The following SLC25A30 variants were observed in gnomAD, a reference collection of about 807,000 sequenced individuals.
SLC25A30 encodes solute carrier family 25 member 30.
A neutral mutation model predicts 42.7 loss-of-function variants in SLC25A30; 29 were observed. That is an observed-to-expected ratio of 0.68 (90% CI 0.51 to 0.93). The LOEUF (loss-of-function observed/expected upper bound fraction) is 0.93, where lower values mean the gene tolerates loss of function less well. SLC25A30 is among the 40% of genes least tolerant of loss of function. The pLI, the probability that SLC25A30 is intolerant of heterozygous loss-of-function variation, is 0.00. For synonymous variants in SLC25A30, 124 were observed against 131.0 expected, an observed-to-expected ratio of 0.95 and a Z score of 0.37; for missense variants, 300 against 359.7, an observed-to-expected ratio of 0.83 and a Z score of 1.34.
chr13:45,400,020 A>ATG (rs1881778924), intron 7 of SLC25A30, among the ~76,000 whole-genome samples: 2 of 117,206 alleles, frequency 1.7e-5, no homozygotes, highest in Admixed American at 9.6e-5. Context: ...ATGATTATAT[A>ATG]TATATATATA....
At chr13:45,433,515 C>A in the SLC25A30 span, among the ~76,000 whole-genome samples, 1 of 152,180 alleles carries the variant, frequency 6.6e-6, no homozygotes, top group Non-Finnish European at 1.5e-5. Flanking sequence ...AGTTGTATTA[C>A]CCTGTGAGGG....
At chr13:45,427,210 C>G in the SLC25A30 span, among the ~76,000 whole-genome samples, 1 of 152,142 alleles carries the variant, frequency 6.6e-6, no homozygotes, top group African/African-American at 2.4e-5. Flanking sequence ...GGCCACATCT[C>G]TCTGACTTTC....
chr13:45,424,754 A>C, the SLC25A30 span, among the ~76,000 whole-genome samples: 2 of 61,244 alleles, frequency 3.3e-5, no homozygotes, highest in African/African-American at 6.7e-5. Context: ...ATATCTATTT[A>C]TATAAATATA....
chr13:45,403,221 C>T (rs2137648807), intron 5 of SLC25A30, among the ~76,000 whole-genome samples: 1 of 152,324 alleles, frequency 6.6e-6, no homozygotes, highest in South Asian at 2.1e-4. Flanking sequence ...GTATTTCTTC[C>T]TTACCCACGA....
chr13:45,414,115 A>G (rs377627283), intron 1 of SLC25A30, among the ~76,000 whole-genome samples: 1 of 152,208 alleles, frequency 6.6e-6, no homozygotes, highest in South Asian at 2.1e-4. Flanking sequence ...TCCTATAAGC[A>G]AGTACTTCTA....
the SLC25A30 span, among the ~76,000 whole-genome samples, chr13:45,423,855 T>TATATAAATAC: frequency 5.5e-5 from 4 of 72,302 alleles, no homozygotes; most frequent in Non-Finnish European, 2.5e-5. Context: ...TGTAAATATA[T>TATATAAATAC]ATATAAATAT....
chr13:45,401,174 CA>C lies in SLC25A30; in HGVS notation c.522del (p.Ile174MetfsTer22). On this transcript the variant is annotated frameshift_variant, in exon 7 of 10. Coordinates refer to ENST00000519676, the MANE Select transcript of SLC25A30 (RefSeq NM_001010875.4). LOFTEE classifies it high-confidence loss of function. ...GVSLTAQRAA[I>X]VVGVELPVYD... ...TAGACCGGCAGCTCCACACCAACAA[CA>C]ATAGCAGCCCTCTGCGCAGTAAGGG... 1 of 1,614,078 alleles carries C rather than the reference CA, an allele frequency of 6.2e-7. No homozygotes were observed. The highest frequency in any genetic ancestry group is 8.5e-7 in the Non-Finnish European group (1 of 1,180,000).
At position 45,394,184 on chromosome 13, in the gene SLC25A30, A is replaced by G; in HGVS notation, c.*1790T>C. ...CCTCTGCTGCCCTCTAGGGTTGCCCAGGGAGAGCTGGACTTTCATCTGAGT... is the reference window on the plus strand; with the variant it reads ...CCTCTGCTGCCCTCTAGGGTTGCCCGGGGAGAGCTGGACTTTCATCTGAGT... On this transcript the variant is annotated 3_prime_UTR_variant, in exon 10 of 10. Transcript: ENST00000519676. 2.0e-6 allele frequency: 2 copies of G among 985,374 alleles called. No individual in the cohort carries two copies. The highest frequency in any genetic ancestry group is 2.4e-6 in the Non-Finnish European group (2 of 829,924). The allele number at this position is 985,374 out of a possible 1,614,324, so 61.0% of individuals were successfully genotyped here.
chr13:45,423,594 T>TATATATAAATATATATAAA, the SLC25A30 span, among the ~76,000 whole-genome samples: 9 of 92,124 alleles, frequency 9.8e-5, no homozygotes, highest in Non-Finnish European at 1.4e-4. Context: ...TATATAAATA[T>TATATATAAATATATATAAA]ATATATATAT....
the SLC25A30 span, among the ~76,000 whole-genome samples, chr13:45,432,027 T>G: frequency 6.6e-6 from 1 of 152,052 alleles, no homozygotes; most frequent in Non-Finnish European, 1.5e-5. Flanking sequence ...CCTGGCACTT[T>G]GGAAGGCCAA....
chr13:45,424,628 A>AAC, the SLC25A30 span, among the ~76,000 whole-genome samples: 3,936 of 50,868 alleles, frequency 0.077, 735 homozygotes, highest in Non-Finnish European at 0.095. Flanking sequence ...AATATATATA[A>AAC]ATATGTATAT....
chr13:45,425,617 AATAT>A, the SLC25A30 span, among the ~76,000 whole-genome samples: 1 of 48,488 alleles, frequency 2.1e-5, no homozygotes, highest in Non-Finnish European at 5.3e-5. Context: ...TACATATATA[AATAT>A]ATATATAAGT....
At chr13:45,411,045 T>C (rs1882969994) in intron 2 of SLC25A30, among the ~76,000 whole-genome samples, 1 of 151,766 alleles carries the variant, frequency 6.6e-6, no homozygotes, top group Admixed American at 6.6e-5. Context: ...ACTCAAGCAA[T>C]CCTCCCACCT....
In SLC25A30 at chr13:45,401,227, A is replaced by T. The variant is rs1237264087; in HGVS notation, c.490-20T>A. On this transcript the variant is annotated intron_variant, in intron 6 of 9. Transcript: ENST00000519676. ...CACACCCTGGGTAAAAATATTAACA[A>T]TAAAAATGATTCTGATATGCCTCTG... is the stretch of plus-strand genomic sequence containing the variant. 4 of 1,613,036 alleles carry T rather than the reference A, an allele frequency of 2.5e-6. No homozygotes were observed. The South Asian group carries it at 4.4e-5, about 18-fold the overall frequency.
chr13:45,433,003 C>T, the SLC25A30 span, among the ~76,000 whole-genome samples: 2 of 149,034 alleles, frequency 1.3e-5, no homozygotes, highest in African/African-American at 5.0e-5. Flanking sequence ...TGCCATTGCA[C>T]CCCTGGGCAA....
upstream of SLC25A30, among the ~76,000 whole-genome samples, chr13:45,422,633 T>G (rs1266594237): frequency 6.6e-6 from 1 of 152,160 alleles, no homozygotes; most frequent in Non-Finnish European, 1.5e-5. Flanking sequence ...CTGCTAAACG[T>G]TCAACAATGC....
At chr13:45,423,624 A>G in the SLC25A30 span, among the ~76,000 whole-genome samples, 2 of 75,380 alleles carry the variant, frequency 2.7e-5, no homozygotes, top group African/African-American at 1.3e-4. Context: ...TAAAATATAT[A>G]TATATAAATA....
At chr13:45,425,045 A>AGT in the SLC25A30 span, among the ~76,000 whole-genome samples, 16 of 1,280 alleles carry the variant, frequency 0.013, 3 homozygotes, top group African/African-American at 0.036. Flanking sequence ...AGTATATATA[A>AGT]ATATATAAAT....
chr13:45,425,615 T>C, the SLC25A30 span, among the ~76,000 whole-genome samples: 2 of 101,872 alleles, frequency 2.0e-5, no homozygotes, highest in South Asian at 5.1e-4. Flanking sequence ...TATACATATA[T>C]AAATATATAT....
Sources: gnomAD v4.1 joint callset for allele counts (sites outside exome capture counted in the v4.1 genomes callset) on GRCh38, gnomAD v4.1.1 for gene constraint, MANE v1.5 for transcripts, NCBI Gene and HGNC (gene_info 2026-07-23, HGNC 2026-07-21) for gene names.